RBM19: variants seen among roughly 807,000 people sequenced by gnomAD.
The protein encoded by RBM19 is RNA binding motif protein 19, also known as probable RNA-binding protein 19.
RBM19 carries 94 observed loss-of-function variants against 116.8 expected under a neutral mutation model. The observed-to-expected ratio is 0.80, with a 90% CI of 0.68 to 0.95. The LOEUF (loss-of-function observed/expected upper bound fraction) is 0.95. Ranked by LOEUF, RBM19 falls within the 40% of genes least tolerant of loss-of-function variation. The pLI, the probability that RBM19 is intolerant of heterozygous loss-of-function variation, is 0.00. For synonymous variants in RBM19, 475 were observed against 494.1 expected (o/e 0.96, Z 0.51); for missense variants, 1,161 against 1,220.7 (o/e 0.95, Z 0.73).
chr12:113,867,146 C>T lies in RBM19; in HGVS notation c.2559-8250G>A, dbSNP rs530631956. ...TCTCAGTTGTGTTCACATCATGTAGCCTCTGCAGGATTCTAAGCTCCTTGG... is the reference window on the plus strand; with the variant it reads ...TCTCAGTTGTGTTCACATCATGTAGTCTCTGCAGGATTCTAAGCTCCTTGG... On this transcript the variant is annotated intron_variant, in intron 21 of 23. Transcript: ENST00000261741. Among the ~76,000 whole-genome samples, 3 of 152,352 alleles carry T rather than the reference C, an allele frequency of 2.0e-5. No individual in the cohort carries two copies. The South Asian group carries it at 6.2e-4, about 32-fold the overall frequency.
intron 21 of RBM19, among the ~76,000 whole-genome samples, chr12:113,876,683 G>T (rs933237815): frequency 2.6e-5 from 4 of 151,900 alleles, no homozygotes; most frequent in Non-Finnish European, 5.9e-5. Flanking sequence ...CCCAGATACC[G>T]TAGGGGCTGA....
intron 21 of RBM19, among the ~76,000 whole-genome samples, chr12:113,861,585 A>G (rs1878396878): frequency 6.6e-6 from 1 of 151,682 alleles, no homozygotes; most frequent in African/African-American, 2.4e-5. Flanking sequence ...AGAGAGAGAG[A>G]AAGAGACTGT....
intron 21 of RBM19, among the ~76,000 whole-genome samples, chr12:113,865,195 C>T (rs890953201): frequency 1.2e-4 from 19 of 152,218 alleles, no homozygotes; most frequent in Admixed American, 1.2e-3. Flanking sequence ...TGGCTTTCCC[C>T]ATTCCCTGAA....
chr12:113,937,392 A>G, intron 15 of RBM19: 2 of 330,014 alleles, frequency 6.1e-6, no homozygotes, highest in Non-Finnish European at 1.1e-5. Flanking sequence ...GGCAGCTCCC[A>G]GGCCCCCTTT....
intron 1 of RBM19, among the ~76,000 whole-genome samples, chr12:113,965,984 C>T (rs958808841): frequency 6.6e-6 from 1 of 152,148 alleles, no homozygotes; most frequent in African/African-American, 2.4e-5. Context: ...ACCAAACAAC[C>T]GGCCGTGAAA....
chr12:113,832,174 A>G (rs1184337458), intron 23 of RBM19, among the ~76,000 whole-genome samples: 1 of 151,420 alleles, frequency 6.6e-6, no homozygotes, highest in South Asian at 2.1e-4. Flanking sequence ...CCTGAACACA[A>G]AAAGTTATCA....
chr12:113,959,966 G>A, intron 3 of RBM19, 63 bp from the exon 4 acceptor site: 2 of 1,613,236 alleles, frequency 1.2e-6, no homozygotes, highest in South Asian at 1.1e-5. Context: ...AAACAGAACT[G>A]CACTGACCTG....
intron 21 of RBM19, among the ~76,000 whole-genome samples, chr12:113,877,880 C>T (rs1424713145): frequency 3.9e-5 from 6 of 152,152 alleles, no homozygotes; most frequent in Non-Finnish European, 8.8e-5. Context: ...ACAGCAATTA[C>T]CATTTTAAAT....
Position 113,955,276 on chromosome 12 carries a change from C to T in RBM19, c.841-65G>A, listed in dbSNP as rs1224209490. 2.0e-6 allele frequency: 3 copies of T among 1,473,774 alleles called. No homozygotes were observed. The East Asian group carries it at 6.8e-5, about 33-fold the overall frequency. 91.3% of individuals were successfully genotyped at this position (1,473,774 alleles called of 1,614,324 possible). A position where few individuals can be genotyped will look rare whatever the true frequency, so the allele number is the denominator to read the frequency against. ...CCCTTCGTACAGCTGCAGGAGGTGG[C>T]ACACTGGGACATTTCAGTGCCAGAG... On this transcript the variant is annotated intron_variant, in intron 6 of 23. Transcript: ENST00000261741.
rs1593443995 is a variant in RBM19 at position 113,823,028 on chromosome 12, C to G, written c.*196G>C. 3.4e-6 allele frequency: 2 copies of G among 588,220 alleles called. No individual in the cohort carries two copies. The highest frequency in any genetic ancestry group is 3.0e-6 in the Non-Finnish European group (1 of 330,962). 36.4% of individuals were successfully genotyped at this position (588,220 alleles called of 1,614,324 possible). On this transcript the variant is annotated 3_prime_UTR_variant, in exon 24 of 24. Coordinates refer to ENST00000261741, the MANE Select transcript of RBM19 (RefSeq NM_016196.4). ...TGCTAGAACGCGTCACTGGTGAAAC[C>G]CAGGATGCCTGGGCCGCTGGGCAGT...
Position 113,878,244 on chromosome 12 carries a change from C to T in RBM19, c.2559-19348G>A, listed in dbSNP as rs1052864875. On this transcript the variant is annotated intron_variant, in intron 21 of 23. Transcript: ENST00000261741. ...CCCAGCCCAGGGCCCCTCTCTGCCA[C>T]TGTGTCCTCATCATGTCACCCTAAA... 5.9e-5 allele frequency among the ~76,000 whole-genome samples: 9 copies of T among 152,334 alleles called. No homozygotes were observed. In the Middle Eastern group the frequency reaches 0.017, roughly 288 times the overall value.
At chr12:113,856,516 C>T (rs886233883) in intron 22 of RBM19, among the ~76,000 whole-genome samples, 1 of 152,340 alleles carries the variant, frequency 6.6e-6, no homozygotes, top group Middle Eastern at 3.4e-3. Context: ...TGAAAGAGGG[C>T]TTCCAGTGAA....
At chr12:113,961,278 AGCCTCCCAAAGTGCTT>A (rs1247969799) in intron 2 of RBM19, among the ~76,000 whole-genome samples, 1 of 152,068 alleles carries the variant, frequency 6.6e-6, no homozygotes, top group Non-Finnish European at 1.5e-5. Context: ...CTCCCACCTC[AGCCTCCCAAAGTGCTT>A]GTATTATAGG....
intron 21 of RBM19, among the ~76,000 whole-genome samples, chr12:113,914,250 G>A (rs1465619266): frequency 6.6e-6 from 1 of 152,254 alleles, no homozygotes; most frequent in African/African-American, 2.4e-5. Flanking sequence ...CATCCCAGCT[G>A]GATGACCAGA....
At chr12:113,939,864 C>A in intron 15 of RBM19, 96 bp downstream of exon 15, 2 of 1,343,428 alleles carry the variant, frequency 1.5e-6, no homozygotes. Flanking sequence ...CTCCCATGTG[C>A]CACATCTGTG....
chr12:113,851,721 C>T (rs1476235759), intron 22 of RBM19, among the ~76,000 whole-genome samples: 1 of 150,106 alleles, frequency 6.7e-6, no homozygotes, highest in Non-Finnish European at 1.5e-5. Context: ...TTGCTGGTGC[C>T]ATTTGTGGTA....
Position 113,858,851 on chromosome 12 carries a change from A to T in RBM19, c.2604T>A (p.Thr868=). Residue 868 remains threonine (T), a synonymous_variant, in exon 22 of 24, where the codon ACT becomes ACA. Coordinates refer to ENST00000261741, the MANE Select transcript of RBM19 (RefSeq NM_016196.4). The stretch of plus-strand genomic sequence containing the variant: ...CGAAGCCTCTGTGTGTGCCTGTCCC[A>T]GTCATCTTCTTTGGCAGGCGGACCG... The part of the protein sequence containing the change: ...LKTVRLPKKM[T]GTGTHRGFGF... 1 of 1,614,134 alleles carries T rather than the reference A, an allele frequency of 6.2e-7. No homozygotes were observed. Among genetic ancestry groups the T allele is most frequent in the Middle Eastern group, 1.6e-4 (1 of 6,062 alleles).
chr12:113,843,126 A>C (rs1876648193), intron 23 of RBM19, among the ~76,000 whole-genome samples: 1 of 152,194 alleles, frequency 6.6e-6, no homozygotes, highest in Admixed American at 6.5e-5. Context: ...CAGTGGCCCC[A>C]CTGGAAGGCT....
Position 113,934,015 on chromosome 12 carries a change from A to C in RBM19, c.2068+2992T>G, listed in dbSNP as rs61684037. Among the ~76,000 whole-genome samples, 652 of 152,300 alleles carry C rather than the reference A, an allele frequency of 4.3e-3. 6 individuals are homozygous for C. Among genetic ancestry groups the C allele is most frequent in the African/African-American group, 0.014 (589 of 41,570 alleles). The stretch of plus-strand genomic sequence containing the variant: ...TCACCCAGGCTGAGTGTAGTGGTGC[A>C]ATCTCGGCTCACTGCAGCCTCCATC... On this transcript the variant is annotated intron_variant, in intron 16 of 23. Coordinates refer to ENST00000261741, the MANE Select transcript of RBM19 (RefSeq NM_016196.4).
Sources: allele counts gnomAD v4.1 joint callset (sites outside exome capture counted in the v4.1 genomes callset), GRCh38; gene constraint gnomAD v4.1.1; transcripts MANE v1.5; gene names NCBI Gene and HGNC (gene_info 2026-07-23, HGNC 2026-07-21).